The following SLC24A2 variants were observed in gnomAD, a reference collection of about 807,000 sequenced individuals.
SLC24A2 encodes solute carrier family 24 member 2.
Under a neutral mutation model 62.0 loss-of-function variants are expected in SLC24A2, and 36 were observed. The ratio of observed to expected loss-of-function variants is 0.58; its 90% CI spans 0.44 to 0.77. The LOEUF is 0.77. SLC24A2 is among the 30% of genes least tolerant of loss of function. SLC24A2 has a pLI of 0.00. For synonymous variants in SLC24A2, 358 were observed against 294.0 expected, an observed-to-expected ratio of 1.22 and a Z score of -2.23; for missense variants, 846 against 817.9, an observed-to-expected ratio of 1.03 and a Z score of -0.42.
At chr9:19,995,161 T>C in the SLC24A2 span, among the ~76,000 whole-genome samples, 2 of 151,814 alleles carry the variant, frequency 1.3e-5, no homozygotes, top group Non-Finnish European at 2.9e-5. Context: ...ATCTGGTACA[T>C]AAACTTGCAA....
chr9:19,531,046 G>C (rs1347450921), intron 8 of SLC24A2, among the ~76,000 whole-genome samples: 1 of 151,966 alleles, frequency 6.6e-6, no homozygotes, highest in East Asian at 1.9e-4. Context: ...CTGAATGTCA[G>C]AAAATTAAAA....
the SLC24A2 span, among the ~76,000 whole-genome samples, chr9:20,108,705 G>C: frequency 1.3e-5 from 2 of 149,702 alleles, no homozygotes; most frequent in East Asian, 4.0e-4. Context: ...TTGTCGGGTT[G>C]GGGGAGGGGG....
chr9:19,770,324 G>C (rs752799544), intron 2 of SLC24A2, among the ~76,000 whole-genome samples: 5 of 151,824 alleles, frequency 3.3e-5, no homozygotes, highest in Non-Finnish European at 7.4e-5. Context: ...GGAAGTTTAT[G>C]GGATTAAAAT....
intron 7 of SLC24A2, among the ~76,000 whole-genome samples, chr9:19,551,419 C>A (rs1002446839): frequency 2.0e-5 from 3 of 152,112 alleles, no homozygotes; most frequent in Admixed American, 6.6e-5. Flanking sequence ...AGGGTCTGGG[C>A]CCAGCAGGGG....
At chr9:19,761,356 G>A (rs200556473) in intron 2 of SLC24A2, among the ~76,000 whole-genome samples, 1 of 152,070 alleles carries the variant, frequency 6.6e-6, no homozygotes, top group East Asian at 1.9e-4. Flanking sequence ...ACCATTCTAA[G>A]TGGCGTGAGA....
At chr9:19,652,829 G>A (rs1292928952) in intron 2 of SLC24A2, among the ~76,000 whole-genome samples, 1 of 152,126 alleles carries the variant, frequency 6.6e-6, no homozygotes, top group Non-Finnish European at 1.5e-5. Flanking sequence ...CAGATTCAAT[G>A]ATCATTCATC....
the SLC24A2 span, among the ~76,000 whole-genome samples, chr9:20,015,358 T>C: frequency 2.0e-5 from 3 of 152,306 alleles, no homozygotes; most frequent in East Asian, 5.8e-4. Flanking sequence ...TGTGTCAAGA[T>C]GCTAAACATA....
At chr9:19,642,053 G>T (rs937512115) in intron 2 of SLC24A2, among the ~76,000 whole-genome samples, 1 of 152,134 alleles carries the variant, frequency 6.6e-6, no homozygotes, top group Admixed American at 6.5e-5. Flanking sequence ...TTGGGAGGGA[G>T]GGGAAGTGTG....
chr9:20,295,036 G>GTATATATATATA, the SLC24A2 span, among the ~76,000 whole-genome samples: 638 of 145,660 alleles, frequency 4.4e-3, 3 homozygotes, highest in Middle Eastern at 0.022. Context: ...GTGTATATAT[G>GTATATATATATA]TATATATATA....
chr9:20,159,296 T>C, the SLC24A2 span, among the ~76,000 whole-genome samples: 1 of 151,656 alleles, frequency 6.6e-6, no homozygotes, highest in Non-Finnish European at 1.5e-5. Flanking sequence ...CAGACCTGCC[T>C]ACACACACAT....
At chr9:19,755,036 A>G (rs11788522) in intron 2 of SLC24A2, among the ~76,000 whole-genome samples, 35,436 of 152,074 alleles carry the variant, frequency 0.23, 4,294 homozygotes, top group South Asian at 0.29. Context: ...CTGAGCAGGT[A>G]TAAAGACTGA....
At chr9:20,220,470 C>G in the SLC24A2 span, among the ~76,000 whole-genome samples, 1 of 152,188 alleles carries the variant, frequency 6.6e-6, no homozygotes, top group African/African-American at 2.4e-5. Context: ...GGCCTGACCA[C>G]TTCCTGGATC....
intron 8 of SLC24A2, among the ~76,000 whole-genome samples, chr9:19,535,252 G>C (rs1274322921): frequency 2.6e-5 from 4 of 151,934 alleles, no homozygotes. Context: ...CTGGATATTA[G>C]CCGTTTGTCA....
At chr9:20,259,868 T>C in the SLC24A2 span, among the ~76,000 whole-genome samples, 1 of 152,170 alleles carries the variant, frequency 6.6e-6, no homozygotes, top group Non-Finnish European at 1.5e-5. Flanking sequence ...GTGGGAGGAC[T>C]GCTTGAGCCC....
chr9:20,227,015 G>T, the SLC24A2 span, among the ~76,000 whole-genome samples: 1 of 152,096 alleles, frequency 6.6e-6, no homozygotes, highest in Non-Finnish European at 1.5e-5. Flanking sequence ...TCCTTTCTAA[G>T]GGATTAATTG....
chr9:19,801,732 T>G, the SLC24A2 span, among the ~76,000 whole-genome samples: 1 of 152,194 alleles, frequency 6.6e-6, no homozygotes, highest in African/African-American at 2.4e-5. Flanking sequence ...GCAAGCCCTG[T>G]GTTTAAAGGT....
At chr9:20,213,315 A>T in the SLC24A2 span, among the ~76,000 whole-genome samples, 4 of 151,910 alleles carry the variant, frequency 2.6e-5, no homozygotes, top group African/African-American at 4.9e-5. Context: ...CACAACCTAT[A>T]GGATGAAGTC....
At chr9:19,912,115 C>T in the SLC24A2 span, among the ~76,000 whole-genome samples, 3 of 152,124 alleles carry the variant, frequency 2.0e-5, no homozygotes, top group East Asian at 1.9e-4. Flanking sequence ...GGTATTCAAA[C>T]CCCCGGGGTG....
At chr9:19,518,414 TC>T (rs1833038606) in intron 10 of SLC24A2, among the ~76,000 whole-genome samples, 1 of 151,256 alleles carries the variant, frequency 6.6e-6, no homozygotes. Context: ...TCTTTCTTTT[TC>T]TTTTCTTTTC....
Sources: gnomAD v4.1 joint callset for allele counts (sites outside exome capture counted in the v4.1 genomes callset) on GRCh38, gnomAD v4.1.1 for gene constraint, MANE v1.5 for transcripts, NCBI Gene and HGNC (gene_info 2026-07-23, HGNC 2026-07-21) for gene names.